ZFPM2: variants seen among roughly 807,000 people sequenced by gnomAD.
ZFPM2 encodes zinc finger protein ZFPM2.
Under a neutral mutation model 98.6 loss-of-function variants are expected in ZFPM2, and 20 were observed. That is an observed-to-expected ratio of 0.20 (90% CI 0.14 to 0.29). The LOEUF (loss-of-function observed/expected upper bound fraction) is 0.29, where lower values mean the gene tolerates loss of function less well. Ranked by LOEUF, ZFPM2 falls within the 10% of genes least tolerant of loss-of-function variation. ZFPM2 has a pLI of 1.00. For missense variants in ZFPM2, 1,310 were observed against 1,388.6 expected (o/e 0.94, Z 0.90); for synonymous variants, 518 against 502.7 (o/e 1.03, Z -0.41).
chr8:105,422,163 C>T (rs891260496), intron 2 of ZFPM2, among the ~76,000 whole-genome samples: 2 of 149,366 alleles, frequency 1.3e-5, no homozygotes, highest in Admixed American at 6.7e-5. Flanking sequence ...TTAGGCCGGG[C>T]GCGATGGCTG....
chr8:105,365,264 C>T (rs1810485358), intron 1 of ZFPM2, among the ~76,000 whole-genome samples: 1 of 152,070 alleles, frequency 6.6e-6, no homozygotes, highest in Non-Finnish European at 1.5e-5. Flanking sequence ...CTGATCTTTC[C>T]TCAGCTTATA....
intron 5 of ZFPM2, among the ~76,000 whole-genome samples, chr8:105,758,771 T>C (rs1007504817): frequency 6.6e-6 from 1 of 152,114 alleles, no homozygotes; most frequent in Non-Finnish European, 1.5e-5. Flanking sequence ...GCTAGGGCCC[T>C]GTTAACTCTG....
chr8:105,448,330 GT>G (rs1419524078), intron 3 of ZFPM2, among the ~76,000 whole-genome samples: 1 of 151,856 alleles, frequency 6.6e-6, no homozygotes, highest in East Asian at 1.9e-4. Context: ...CTTCTTTTTA[GT>G]AAACATCTTT....
At chr8:105,342,139 C>A (rs1401215621) in intron 1 of ZFPM2, among the ~76,000 whole-genome samples, 1 of 151,904 alleles carries the variant, frequency 6.6e-6, no homozygotes, top group African/African-American at 2.4e-5. Flanking sequence ...CTTAATAATG[C>A]CTTATTGCTC....
intron 3 of ZFPM2, among the ~76,000 whole-genome samples, chr8:105,515,911 CTTTTTTTTTTT>C (rs34183654): frequency 3.4e-5 from 3 of 89,282 alleles, no homozygotes; most frequent in Admixed American, 1.5e-4. Context: ...AAAACAACTT[CTTTTTTTTTTT>C]TTTTTTTTTT....
At chr8:105,486,362 CTGTTTGTGTGTGTATGCTGTG>C (rs1421162700) in intron 3 of ZFPM2, among the ~76,000 whole-genome samples, 1 of 151,800 alleles carries the variant, frequency 6.6e-6, no homozygotes, top group African/African-American at 2.4e-5. Context: ...TGTATGGTGT[CTGTTTGTGTGTGTATGCTGTG>C]TGTTTGTGTG....
intron 3 of ZFPM2, among the ~76,000 whole-genome samples, chr8:105,559,150 CA>C (rs1398564232): frequency 1.3e-5 from 2 of 152,006 alleles, no homozygotes; most frequent in African/African-American, 4.8e-5. Context: ...AAAGATTGCA[CA>C]AAGATGAAAA....
chr8:105,709,265 A>G (rs1161377507), intron 5 of ZFPM2, among the ~76,000 whole-genome samples: 24 of 152,222 alleles, frequency 1.6e-4, no homozygotes, highest in Admixed American at 1.4e-3. Flanking sequence ...GGTTTTTACT[A>G]TGGAAATCTT....
chr8:105,644,905 T>C (rs988955401), intron 5 of ZFPM2, among the ~76,000 whole-genome samples: 5 of 152,156 alleles, frequency 3.3e-5, no homozygotes, highest in African/African-American at 1.2e-4. Flanking sequence ...CCATCACATT[T>C]GGGGTTAGAG....
At chr8:105,543,673 T>C (rs142850534) in intron 3 of ZFPM2, among the ~76,000 whole-genome samples, 2 of 152,326 alleles carry the variant, frequency 1.3e-5, no homozygotes, top group African/African-American at 4.8e-5. Context: ...TCTTATCCTG[T>C]ATAATTTAAG....
At chr8:105,550,710 G>A (rs2130660188) in intron 3 of ZFPM2, among the ~76,000 whole-genome samples, 1 of 152,266 alleles carries the variant, frequency 6.6e-6, no homozygotes. Flanking sequence ...ACAAGGAGAG[G>A]CTGTGTGAAT....
chr8:105,409,605 G>T (rs1811536284), intron 1 of ZFPM2, among the ~76,000 whole-genome samples: 1 of 151,880 alleles, frequency 6.6e-6, no homozygotes, highest in Admixed American at 6.6e-5. Context: ...AAAGGACTCT[G>T]TATAAACTGT....
chr8:105,517,707 C>CCACACACA (rs1554613621), intron 3 of ZFPM2, among the ~76,000 whole-genome samples: 14,698 of 124,856 alleles, frequency 0.12, 1,110 homozygotes, highest in Non-Finnish European at 0.17. Context: ...CACACACACA[C>CCACACACA]CACACACACA....
intron 5 of ZFPM2, among the ~76,000 whole-genome samples, chr8:105,694,196 C>T (rs1028803384): frequency 4.0e-5 from 6 of 151,708 alleles, no homozygotes; most frequent in African/African-American, 7.3e-5. Context: ...CTGTGTTAGC[C>T]AGGATGGTCT....
At chr8:105,762,656 A>G (rs545972990) in intron 5 of ZFPM2, among the ~76,000 whole-genome samples, 6 of 151,974 alleles carry the variant, frequency 3.9e-5, no homozygotes, top group African/African-American at 1.4e-4. Flanking sequence ...TTGCACATTT[A>G]TAGTTTTTAT....
intron 3 of ZFPM2, among the ~76,000 whole-genome samples, chr8:105,552,397 G>A (rs1200841343): frequency 6.6e-6 from 1 of 152,184 alleles, no homozygotes; most frequent in East Asian, 1.9e-4. Context: ...TTTGGATCAG[G>A]AAGTAGTATC....
chr8:105,716,461 T>C (rs1307503498), intron 5 of ZFPM2, among the ~76,000 whole-genome samples: 1 of 152,034 alleles, frequency 6.6e-6, no homozygotes, highest in Non-Finnish European at 1.5e-5. Flanking sequence ...TTTACATATA[T>C]GTCTGTGTTA....
intron 4 of ZFPM2, among the ~76,000 whole-genome samples, chr8:105,608,580 G>GTT (rs397978197): frequency 0.1 from 11,036 of 108,536 alleles, 722 homozygotes; most frequent in South Asian, 0.19. Flanking sequence ...AACACCAAGA[G>GTT]TTTTTTTTTT....
At chr8:105,365,498 G>T (rs986214955) in intron 1 of ZFPM2, among the ~76,000 whole-genome samples, 1 of 152,054 alleles carries the variant, frequency 6.6e-6, no homozygotes, top group African/African-American at 2.4e-5. Flanking sequence ...ATAATCTCTG[G>T]AGTAGTTTGT....
Sources: allele counts gnomAD v4.1 joint callset (sites outside exome capture counted in the v4.1 genomes callset), GRCh38; gene constraint gnomAD v4.1.1; transcripts MANE v1.5; gene names NCBI Gene and HGNC (gene_info 2026-07-23, HGNC 2026-07-21).